Variants in PKIB observed in about 807,000 individuals in gnomAD.
The protein encoded by PKIB is cAMP-dependent protein kinase inhibitor beta.
In PKIB, 2 loss-of-function variants were observed where a neutral mutation model predicts 4.5. The observed-to-expected ratio is 0.44, with a 90% confidence interval of 0.18 to 1.39. The LOEUF is 1.39. Ranked by LOEUF, PKIB falls within the 40% of genes most tolerant of loss-of-function variation. PKIB has a pLI of 0.27. For synonymous variants in PKIB, 38 were observed against 36.0 expected, an observed-to-expected ratio of 1.06 and a Z score of -0.20; for missense variants, 94 against 92.6, an observed-to-expected ratio of 1.02 and a Z score of -0.06.
intron 2 of PKIB, among the ~76,000 whole-genome samples, chr6:122,493,915 T>C (rs1454903729): frequency 6.6e-6 from 1 of 152,144 alleles, no homozygotes; most frequent in Non-Finnish European, 1.5e-5. Flanking sequence ...CTGTGGCTCT[T>C]CTGGAAAGAA....
chr6:122,508,568 G>A (rs1306918824), intron 2 of PKIB, among the ~76,000 whole-genome samples: 1 of 152,188 alleles, frequency 6.6e-6, no homozygotes, highest in Non-Finnish European at 1.5e-5. Context: ...GGTCCTGGAA[G>A]ATTGGTATGT....
At chr6:122,582,477 A>G (rs1040832599) in intron 2 of PKIB, among the ~76,000 whole-genome samples, 9 of 152,108 alleles carry the variant, frequency 5.9e-5, no homozygotes, top group Non-Finnish European at 1.3e-4. Context: ...AACATTTCTG[A>G]ATCCAAAGTC....
intron 2 of PKIB, chr6:122,479,975 A>T (rs1023243185): frequency 6.6e-6 from 1 of 152,204 alleles, no homozygotes; most frequent in African/African-American, 2.4e-5. Flanking sequence ...ATTAAAGAAA[A>T]CAATGAGTAT....
chr6:122,610,086 C>G (rs540184899), upstream of PKIB: 1 of 152,344 alleles, frequency 6.6e-6, no homozygotes, highest in Non-Finnish European at 1.5e-5. Context: ...GCAGTCACGT[C>G]ACAGAAATCT....
At chr6:122,559,521 G>A (rs925868323) in intron 2 of PKIB, among the ~76,000 whole-genome samples, 9 of 151,932 alleles carry the variant, frequency 5.9e-5, no homozygotes, top group African/African-American at 1.4e-4. Flanking sequence ...CTTTGGTTGT[G>A]TGGGCTCTTT....
At chr6:122,573,369 A>G (rs1276689779) in intron 2 of PKIB, among the ~76,000 whole-genome samples, 1 of 151,986 alleles carries the variant, frequency 6.6e-6, no homozygotes, top group Admixed American at 6.6e-5. Context: ...CTCTACAAAA[A>G]ATACAAAAAT....
chr6:122,705,564 CTTT>C (rs142542177), intron 3 of PKIB, among the ~76,000 whole-genome samples: 22,110 of 113,244 alleles, frequency 0.2, 1,608 homozygotes, highest in Middle Eastern at 0.26. Context: ...GAAAGCGCAT[CTTT>C]TTTTTTTTTT....
intron 2 of PKIB, chr6:122,478,563 T>G (rs901616472): frequency 1.3e-5 from 2 of 152,182 alleles, no homozygotes; most frequent in African/African-American, 4.8e-5. Context: ...TGTTCAGCAA[T>G]TCCAAATGGT....
chr6:122,543,854 A>G (rs1772398588), intron 2 of PKIB, among the ~76,000 whole-genome samples: 1 of 152,062 alleles, frequency 6.6e-6, no homozygotes, highest in South Asian at 2.1e-4. Context: ...ATTATGTGGG[A>G]TAAAATAAAC....
chr6:122,609,458 T>G (rs983995779), upstream of PKIB, among the ~76,000 whole-genome samples: 57 of 148,570 alleles, frequency 3.8e-4, no homozygotes, highest in Admixed American at 1.8e-3. Flanking sequence ...AAAATATTAG[T>G]CTGATTATAT....
Position 122,664,184 on chromosome 6 carries a change from A to G in PKIB, c.-75-10894A>G, listed in dbSNP as rs112821568. On this transcript the variant is annotated intron_variant, in intron 2 of 4. Coordinates refer to ENST00000368452, the MANE Select transcript of PKIB (RefSeq NM_181795.3). ...CAGTCAGAGATTGATTGATGTTTGA[A>G]GCCCAGCTTTCAGCAGCAGCTGCTT... Among the ~76,000 whole-genome samples the G allele has an allele frequency of 1.2e-3, 186 of 152,300 alleles. 1 individual carries two copies. Among genetic ancestry groups the G allele is most frequent in the African/African-American group, 4.4e-3 (181 of 41,558 alleles).
intron 2 of PKIB, among the ~76,000 whole-genome samples, chr6:122,635,194 T>A (rs1277430222): frequency 1.3e-5 from 2 of 152,194 alleles, no homozygotes; most frequent in Admixed American, 1.3e-4. Context: ...CATAATCTTC[T>A]TTAATTCTTA....
chr6:122,635,466 A>G (rs1398185018), intron 2 of PKIB, among the ~76,000 whole-genome samples: 3 of 151,114 alleles, frequency 2.0e-5, no homozygotes, highest in Admixed American at 1.3e-4. Flanking sequence ...TAAGGAACAA[A>G]TTATCCCTAT....
At chr6:122,508,305 G>T (rs1039707165) in intron 2 of PKIB, among the ~76,000 whole-genome samples, 1 of 152,200 alleles carries the variant, frequency 6.6e-6, no homozygotes, top group Non-Finnish European at 1.5e-5. Context: ...AGGAACGTGG[G>T]TGACGTCTGT....
intron 2 of PKIB, among the ~76,000 whole-genome samples, chr6:122,641,701 T>G (rs747393930): frequency 1.6e-4 from 25 of 152,200 alleles, no homozygotes; most frequent in Middle Eastern, 6.8e-3. Flanking sequence ...TTATTATTAT[T>G]ATTATTTTTT....
intron 2 of PKIB, among the ~76,000 whole-genome samples, chr6:122,660,491 T>TA (rs1554229013): frequency 1.3e-5 from 2 of 152,168 alleles, no homozygotes; most frequent in African/African-American, 4.8e-5. Flanking sequence ...AAACCACAGA[T>TA]ACGGTCACGT....
intron 1 of PKIB, among the ~76,000 whole-genome samples, chr6:122,477,047 A>G (rs1775466724): frequency 6.6e-6 from 1 of 152,234 alleles, no homozygotes; most frequent in Non-Finnish European, 1.5e-5. Flanking sequence ...AACGGATGAA[A>G]TTAATTTTAA....
chr6:122,667,134 G>A (rs2114931896), intron 2 of PKIB, among the ~76,000 whole-genome samples: 1 of 152,248 alleles, frequency 6.6e-6, no homozygotes, highest in South Asian at 2.1e-4. Context: ...ATGCCAGATG[G>A]AAATAATGCG....
intron 3 of PKIB, among the ~76,000 whole-genome samples, chr6:122,691,193 T>A (rs1467252276): frequency 6.6e-6 from 1 of 152,108 alleles, no homozygotes; most frequent in Non-Finnish European, 1.5e-5. Context: ...TTCTTGATAT[T>A]CTATAACCTT....
Sources: allele counts gnomAD v4.1 joint callset (sites outside exome capture counted in the v4.1 genomes callset), GRCh38; gene constraint gnomAD v4.1.1; transcripts MANE v1.5; gene names NCBI Gene and HGNC (gene_info 2026-07-23, HGNC 2026-07-21).